LHCGR: variants seen among roughly 807,000 people sequenced by gnomAD.
LHCGR encodes lutropin-choriogonadotropic hormone receptor.
LHCGR carries 55 observed loss-of-function variants against 60.7 expected under a neutral mutation model. The ratio of observed to expected loss-of-function variants is 0.91; its 90% confidence interval spans 0.73 to 1.13. LHCGR has a LOEUF of 1.13. Ranked by LOEUF, LHCGR falls within the 50% of genes most tolerant of loss-of-function variation. The pLI is 0.00. For missense variants in LHCGR, 862 were observed against 836.0 expected (o/e 1.03, Z -0.38); for synonymous variants, 337 against 316.5 (o/e 1.06, Z -0.69).
At chr2:48,737,068 G>A (rs12469065) in intron 1 of LHCGR, among the ~76,000 whole-genome samples, 26,452 of 152,198 alleles carry the variant, frequency 0.17, 2,830 homozygotes, top group East Asian at 0.32. Context: ...GGGAAGAAAT[G>A]CAGCACCAAT....
At chr2:48,694,621 A>G (rs1318174734) in intron 9 of LHCGR, among the ~76,000 whole-genome samples, 1 of 152,206 alleles carries the variant, frequency 6.6e-6, no homozygotes, top group African/African-American at 2.4e-5. Flanking sequence ...TTTATGATAT[A>G]TTAAGGTTTG....
At chr2:48,690,659 T>A (rs1039832592) in intron 10 of LHCGR, among the ~76,000 whole-genome samples, 22 of 152,312 alleles carry the variant, frequency 1.4e-4, no homozygotes, top group Non-Finnish European at 2.6e-4. Context: ...CTTTTCCTCA[T>A]CTCTCTGGTG....
chr2:48,687,706 T>G lies in LHCGR; in HGVS notation c.2091A>C (p.Thr697=), dbSNP rs148244033. ...GTALLDKTRY[T]EC is the part of the protein sequence containing the mutation. ...GTTACTGATGTAACAGTTAACACTC[T>G]GTGTAGCGAGTCTTGTCTAGGAGAG... Residue 697 remains threonine (T), a synonymous_variant, in exon 11 of 11, where the codon ACA becomes ACC. Coordinates refer to ENST00000294954, the MANE Select transcript of LHCGR (RefSeq NM_000233.4). 6 of 1,613,166 alleles carry G rather than the reference T, an allele frequency of 3.7e-6. No homozygotes were observed. The South Asian group carries it at 6.6e-5, about 18-fold the overall frequency.
At chr2:48,747,826 C>G (rs907120278) in intron 1 of LHCGR, among the ~76,000 whole-genome samples, 7 of 152,186 alleles carry the variant, frequency 4.6e-5, no homozygotes, top group Non-Finnish European at 1.0e-4. Flanking sequence ...TGAAAAAAGA[C>G]TTACCCAGAG....
chr2:48,713,825 C>T (rs997441288), intron 7 of LHCGR, among the ~76,000 whole-genome samples, 161 bp downstream of exon 7: 1 of 152,166 alleles, frequency 6.6e-6, no homozygotes, highest in African/African-American at 2.4e-5. Context: ...TCTGGGGTTT[C>T]TAGCCAGCCA....
chr2:48,740,977 G>C (rs914843125), intron 1 of LHCGR, among the ~76,000 whole-genome samples: 10 of 152,202 alleles, frequency 6.6e-5, no homozygotes, highest in Admixed American at 1.3e-4. Flanking sequence ...TAGAATAACC[G>C]ATACAGAGAA....
intron 4 of LHCGR, among the ~76,000 whole-genome samples, chr2:48,724,354 G>A (rs1668629430): frequency 6.6e-6 from 1 of 152,182 alleles, no homozygotes; most frequent in South Asian, 2.1e-4. Context: ...CAAGAATGGG[G>A]CTCCCTCAGA....
chr2:48,733,064 C>G, intron 1 of LHCGR: 2 of 475,592 alleles, frequency 4.2e-6, no homozygotes, highest in East Asian at 5.8e-5. Flanking sequence ...TTATTGCTCT[C>G]TGCACTGCCA....
At chr2:48,729,117 T>A in intron 3 of LHCGR, 36 bp downstream of exon 3, 1 of 1,453,462 alleles carries the variant, frequency 6.9e-7, no homozygotes, top group Non-Finnish European at 9.7e-7. Context: ...AGGGTAATAG[T>A]GTACAGCAGT....
At chr2:48,701,010 T>A (rs753246084) in intron 8 of LHCGR, among the ~76,000 whole-genome samples, 16 of 151,664 alleles carry the variant, frequency 1.1e-4, no homozygotes, top group Non-Finnish European at 1.6e-4. Context: ...ATAGGTGAAG[T>A]CAGGAGTTGA....
chr2:48,690,704 T>C (rs1342210334), intron 10 of LHCGR, among the ~76,000 whole-genome samples: 1 of 152,244 alleles, frequency 6.6e-6, no homozygotes, highest in Admixed American at 6.5e-5. Flanking sequence ...AGCTCTTCTA[T>C]GAAGGCTTTC....
At chr2:48,700,925 T>A (rs2104398132) in intron 8 of LHCGR, among the ~76,000 whole-genome samples, 1 of 152,172 alleles carries the variant, frequency 6.6e-6, no homozygotes. Flanking sequence ...AGTTAGGAAG[T>A]AGAGTCAGAA....
At chr2:48,738,613 C>T (rs1040979873) in intron 1 of LHCGR, among the ~76,000 whole-genome samples, 12 of 152,162 alleles carry the variant, frequency 7.9e-5, no homozygotes, top group Admixed American at 3.9e-4. Context: ...CACTCTTGCC[C>T]TCATGTAACC....
rs70946824 is a variant in LHCGR at position 48,698,847 on chromosome 2, AT to A, written c.681-48del. On this transcript the variant is annotated intron_variant, in intron 8 of 10. Coordinates refer to ENST00000294954, the MANE Select transcript of LHCGR (RefSeq NM_000233.4). ...TGCTTTTTATTTATTTATTTTATAC[AT>A]TTTTTTTTTTTGAGACGGAGTCTTG... The A allele has an allele frequency of 0.81, 786,544 of 974,668 alleles. 299,830 individuals carry two copies. Among genetic ancestry groups the A allele is most frequent in the African/African-American group, 0.91 (53,251 of 58,560 alleles). The allele number at this position is 974,668 out of a possible 1,614,324, so 60.4% of individuals were successfully genotyped here.
At chr2:48,726,723 A>G (rs554602684) in intron 3 of LHCGR, among the ~76,000 whole-genome samples, 1 of 152,324 alleles carries the variant, frequency 6.6e-6, no homozygotes, top group South Asian at 2.1e-4. Flanking sequence ...TTCTGATTTT[A>G]CTAATCGTAT....
chr2:48,736,405 C>T (rs577795418), intron 1 of LHCGR, among the ~76,000 whole-genome samples: 5 of 152,262 alleles, frequency 3.3e-5, no homozygotes, highest in African/African-American at 1.2e-4. Context: ...ATCCAATTGC[C>T]AAGCACTCAG....
At chr2:48,741,064 T>C (rs867800020) in intron 1 of LHCGR, among the ~76,000 whole-genome samples, 105 of 152,300 alleles carry the variant, frequency 6.9e-4, no homozygotes, top group African/African-American at 2.3e-3. Flanking sequence ...CAGGAGCTGA[T>C]GCGATCAACT....
chr2:48,733,770 T>C (rs1431546271), intron 1 of LHCGR, among the ~76,000 whole-genome samples: 1 of 152,092 alleles, frequency 6.6e-6, no homozygotes, highest in Admixed American at 6.5e-5. Context: ...ATATGTTTTT[T>C]TTTTCAGAAA....
chr2:48,731,524 C>T (rs1217163264), intron 1 of LHCGR, among the ~76,000 whole-genome samples: 4 of 152,116 alleles, frequency 2.6e-5, no homozygotes, highest in East Asian at 1.9e-4. Flanking sequence ...AGACTGTGAA[C>T]GTTGAGATTA....
Sources: allele counts gnomAD v4.1 joint callset (sites outside exome capture counted in the v4.1 genomes callset), GRCh38; gene constraint gnomAD v4.1.1; transcripts MANE v1.5; gene names NCBI Gene and HGNC (gene_info 2026-07-23, HGNC 2026-07-21).